IQSEC3: variants seen among roughly 807,000 people sequenced by gnomAD.
The protein encoded by IQSEC3 is IQ motif and Sec7 domain ArfGEF 3.
Under a neutral mutation model 105.4 loss-of-function variants are expected in IQSEC3, and 50 were observed. The ratio of observed to expected loss-of-function variants is 0.47; its 90% CI spans 0.38 to 0.60. IQSEC3 has a LOEUF of 0.60. Among genes scored for constraint, IQSEC3 ranks in the 20% least tolerant of loss-of-function variants. IQSEC3 has a pLI of 0.00. For synonymous variants in IQSEC3, 708 were observed against 746.0 expected, an observed-to-expected ratio of 0.95 and a Z score of 0.83; for missense variants, 1,415 against 1,630.0, an observed-to-expected ratio of 0.87 and a Z score of 2.27.
At chr12:102,188 G>A (rs1323477773) in intron 2 of IQSEC3, among the ~76,000 whole-genome samples, 6 of 115,666 alleles carry the variant, frequency 5.2e-5, no homozygotes, top group East Asian at 2.8e-4. Flanking sequence ...CTCCTCCCCC[G>A]TCAGTCTGGC....
At chr12:123,183 T>A (rs1446142785) in intron 2 of IQSEC3, among the ~76,000 whole-genome samples, 3 of 152,068 alleles carry the variant, frequency 2.0e-5, no homozygotes, top group African/African-American at 7.2e-5. Flanking sequence ...GAAGGGACAA[T>A]CATTCGAGCC....
chr12:148,610 G>C (rs2270798), intron 5 of IQSEC3: 2 of 152,158 alleles, frequency 1.3e-5, no homozygotes, highest in Admixed American at 1.3e-4. Flanking sequence ...TAGCCGCATC[G>C]CACTTTGCCA....
rs935227337 is a variant in IQSEC3 at position 126,525 on chromosome 12, G to C, written c.903+613G>C. 2.0e-5 allele frequency among the ~76,000 whole-genome samples: 3 copies of C among 149,550 alleles called. No homozygotes were observed. The Admixed American group carries it at 2.0e-4, about 10-fold the overall frequency. On this transcript the variant is annotated intron_variant, in intron 3 of 13. Transcript: ENST00000538872. ...GATAATGCCTCAGTTTGTCTTGGCA[G>C]ACAAGAGTCTTGATGGAAGGTGTGT...
rs1939259212 is a variant in IQSEC3 at position 177,023 on chromosome 12, G to C, written c.*1990G>C. On this transcript the variant is annotated 3_prime_UTR_variant, in exon 14 of 14. Coordinates refer to ENST00000538872, the MANE Select transcript of IQSEC3 (RefSeq NM_001170738.2). This position sits in a 1 kb window ranked among gnomAD's most constrained non-coding sequence, Gnocchi z 5.3. ...ATAGAATGAAAACGATGACTAAGAG[G>C]CAGGGAGTGCGAGGTATGGGGGAAT... 6.6e-6 allele frequency: 1 copy of C among 152,294 alleles called. No homozygotes were observed. The highest frequency in any genetic ancestry group is 2.4e-5 in the African/African-American group (1 of 41,440). 9.4% of individuals were successfully genotyped at this position (152,294 alleles called of 1,614,324 possible).
intron 3 of IQSEC3, among the ~76,000 whole-genome samples, chr12:128,997 G>A (rs1201533167): frequency 6.6e-6 from 1 of 152,188 alleles, no homozygotes; most frequent in Admixed American, 6.5e-5. Context: ...CTGGGCTTTT[G>A]TGTGGCTTTG....
intron 12 of IQSEC3, among the ~76,000 whole-genome samples, chr12:170,664 G>A (rs1202666866): frequency 2.0e-5 from 3 of 152,332 alleles, no homozygotes; most frequent in African/African-American, 2.4e-5. Flanking sequence ...CACCGTGCCC[G>A]GCACTGCGGT....
intron 1 of IQSEC3, among the ~76,000 whole-genome samples, chr12:69,678 G>T (rs1863235020): frequency 6.6e-6 from 1 of 152,248 alleles, no homozygotes; most frequent in Non-Finnish European, 1.5e-5. Context: ...TCCTTCCTTG[G>T]ATGTGAAAAC....
At chr12:128,278 A>G (rs116706860) in intron 3 of IQSEC3, among the ~76,000 whole-genome samples, 1,753 of 152,234 alleles carry the variant, frequency 0.012, 39 homozygotes, top group African/African-American at 0.039. Context: ...CCTTGAAGGC[A>G]GGTGCATGAC....
Position 133,423 on chromosome 12 carries a change from G to A in IQSEC3, c.904-4844G>A, listed in dbSNP as rs187549990. Reference sequence around the variant, plus strand: ...GATAGACTGAGTCATGAGCACTGGGGAGAGTTGCAGAAAGGAGCCAGGAGG... The same window carrying A: ...GATAGACTGAGTCATGAGCACTGGGAAGAGTTGCAGAAAGGAGCCAGGAGG... On this transcript the variant is annotated intron_variant, in intron 3 of 13. Transcript: ENST00000538872. Among the ~76,000 whole-genome samples, 21 of 152,376 alleles carry A rather than the reference G, an allele frequency of 1.4e-4. No homozygotes were observed. The East Asian group carries it at 3.9e-3, about 28-fold the overall frequency.
At chr12:107,406 T>TA (rs1555078206) in intron 2 of IQSEC3, among the ~76,000 whole-genome samples, 1 of 129,560 alleles carries the variant, frequency 7.7e-6, no homozygotes, top group Non-Finnish European at 1.6e-5. Flanking sequence ...TGTTTTCTTT[T>TA]TTTTTTTTTT....
intron 5 of IQSEC3, among the ~76,000 whole-genome samples, chr12:149,850 A>G (rs570533299): frequency 6.6e-6 from 1 of 152,140 alleles, no homozygotes; most frequent in Admixed American, 6.5e-5. Context: ...GCAGGGGGGG[A>G]CCATGCTGGG....
chr12:130,880 C>T lies in IQSEC3; in HGVS notation c.903+4968C>T, dbSNP rs142000282. Among the ~76,000 whole-genome samples, 259 of 152,320 alleles carry T rather than the reference C, an allele frequency of 1.7e-3. 1 individual carries two copies. The highest frequency in any genetic ancestry group is 0.014 in the Admixed American group (213 of 15,306). On this transcript the variant is annotated intron_variant, in intron 3 of 13. Coordinates refer to ENST00000538872, the MANE Select transcript of IQSEC3 (RefSeq NM_001170738.2). ...TGCTCCTCAGCCTCACACCCGGGCT[C>T]GCCAGGCCAAGTTCTGGAGGCTCAC...
At chr12:137,963 C>T (rs941656469) in intron 3 of IQSEC3, among the ~76,000 whole-genome samples, 2 of 152,086 alleles carry the variant, frequency 1.3e-5, no homozygotes, top group Non-Finnish European at 2.9e-5. Flanking sequence ...TGCGCCCGGC[C>T]ATGAACATTT....
chr12:85,265 G>T (rs1391757240), intron 1 of IQSEC3, among the ~76,000 whole-genome samples: 1 of 152,250 alleles, frequency 6.6e-6, no homozygotes, highest in Admixed American at 6.5e-5. Flanking sequence ...ACTTGGTGAG[G>T]AGCAGCCTCA....
intron 2 of IQSEC3, among the ~76,000 whole-genome samples, chr12:122,678 G>A (rs1169689091): frequency 2.0e-5 from 3 of 152,190 alleles, no homozygotes; most frequent in South Asian, 2.1e-4. Context: ...GGTATAGGGT[G>A]TGCCTCAGAG....
At chr12:125,937 G>A (rs782637619) in intron 3 of IQSEC3, 25 bp downstream of exon 3, 52 of 1,524,716 alleles carry the variant, frequency 3.4e-5, no homozygotes, top group Non-Finnish European at 3.8e-5. Context: ...CTAGGGGGGC[G>A]GGGAGGGTGG....
intron 1 of IQSEC3, among the ~76,000 whole-genome samples, chr12:91,184 G>A (rs535774651): frequency 2.0e-5 from 3 of 152,088 alleles, no homozygotes; most frequent in Non-Finnish European, 4.4e-5. Flanking sequence ...TCTCCTGCTG[G>A]GAGCACCTCC....
chr12:157,387 G>C, intron 6 of IQSEC3, 141 bp from the exon 7 acceptor site: 5 of 1,140,444 alleles, frequency 4.4e-6, no homozygotes, highest in African/African-American at 1.6e-5. Context: ...AAAAAGACCA[G>C]AGTATGGGAC....
intron 1 of IQSEC3, among the ~76,000 whole-genome samples, chr12:76,261 G>A (rs1394185764): frequency 6.6e-6 from 1 of 152,248 alleles, no homozygotes; most frequent in Non-Finnish European, 1.5e-5. Flanking sequence ...TCATGAACCA[G>A]CAGCACCCAG....
Sources: gnomAD v4.1 joint callset for allele counts (sites outside exome capture counted in the v4.1 genomes callset) on GRCh38, gnomAD v4.1.1 for gene constraint, Gnocchi (gnomAD v3.1) non-coding constraint, MANE v1.5 for transcripts, NCBI Gene and HGNC (gene_info 2026-07-23, HGNC 2026-07-21) for gene names.